Variants in CCDC12 observed in about 807,000 individuals in gnomAD.
CCDC12 encodes the protein coiled-coil domain-containing protein 12.
A neutral mutation model predicts 25.7 loss-of-function variants in CCDC12; 28 were observed. That is an observed-to-expected ratio of 1.09 (90% CI 0.81 to 1.50). The LOEUF (loss-of-function observed/expected upper bound fraction) is 1.50. Ranked by LOEUF, CCDC12 falls within the 40% of genes most tolerant of loss-of-function variation. The pLI is 0.00. For missense variants in CCDC12, 198 were observed against 210.0 expected, an observed-to-expected ratio of 0.94 and a Z score of 0.35; for synonymous variants, 75 against 87.7, an observed-to-expected ratio of 0.86 and a Z score of 0.81.
intron 1 of CCDC12, among the ~76,000 whole-genome samples, chr3:46,946,170 A>G (rs113666956): frequency 1.0e-3 from 152 of 152,300 alleles, no homozygotes; most frequent in African/African-American, 3.3e-3. Flanking sequence ...TCCCACCCAC[A>G]GTAAGATGAA....
chr3:46,939,617 C>G (rs1200327984), intron 2 of CCDC12, among the ~76,000 whole-genome samples: 2 of 152,172 alleles, frequency 1.3e-5, no homozygotes, highest in African/African-American at 2.4e-5. Flanking sequence ...CCTTCAAGAG[C>G]TGGGGGCTGA....
At chr3:46,958,764 T>C (rs865884124) in intron 1 of CCDC12, among the ~76,000 whole-genome samples, 1 of 152,054 alleles carries the variant, frequency 6.6e-6, no homozygotes, top group Middle Eastern at 3.2e-3. Flanking sequence ...CCCAGCATCC[T>C]CCCCAACTCT....
At chr3:46,940,036 G>A (rs1045971868) in intron 2 of CCDC12, among the ~76,000 whole-genome samples, 2 of 152,194 alleles carry the variant, frequency 1.3e-5, no homozygotes, top group Non-Finnish European at 2.9e-5. Context: ...AAGGCAACCT[G>A]TCCAGAAAGA....
chr3:46,937,264 G>A (rs1459149270), intron 2 of CCDC12, among the ~76,000 whole-genome samples: 1 of 152,152 alleles, frequency 6.6e-6, no homozygotes, highest in African/African-American at 2.4e-5. Flanking sequence ...TCATGCCTCT[G>A]GACCTTTGCC....
In CCDC12 at chr3:46,943,889, A is replaced by T. The variant is rs116698185; in HGVS notation, c.97-2824T>A. Among the ~76,000 whole-genome samples the T allele has an allele frequency of 6.5e-3, 989 of 152,348 alleles. 11 individuals carry two copies. Among genetic ancestry groups the T allele is most frequent in the African/African-American group, 0.023 (963 of 41,574 alleles). The stretch of plus-strand genomic sequence containing the variant: ...ACATCTGTGGCAGGAGCAGGTGAAC[A>T]AATGAACAGGCCACACAAGTGGGGG... On this transcript the variant is annotated intron_variant, in intron 1 of 6. Transcript: ENST00000683445.
chr3:46,941,160 G>C (rs889628158), intron 1 of CCDC12, 95 bp from the exon 2 acceptor site: 10 of 1,191,912 alleles, frequency 8.4e-6, no homozygotes, highest in Non-Finnish European at 1.3e-5. Flanking sequence ...ATCTCAGAAG[G>C]GGGGCACCTG....
chr3:46,972,866 A>T (rs2034846698), intron 1 of CCDC12, among the ~76,000 whole-genome samples: 1 of 152,120 alleles, frequency 6.6e-6, no homozygotes, highest in Non-Finnish European at 1.5e-5. Context: ...CTGGGAATGT[A>T]AATGGTGCAG....
At chr3:46,961,862 C>A (rs2034474556) in intron 1 of CCDC12, among the ~76,000 whole-genome samples, 1 of 152,168 alleles carries the variant, frequency 6.6e-6, no homozygotes, top group South Asian at 2.1e-4. Flanking sequence ...ACGGGAAACT[C>A]TTCTAAAACA....
At chr3:46,963,989 G>A (rs1490550807) in intron 1 of CCDC12, among the ~76,000 whole-genome samples, 2 of 152,086 alleles carry the variant, frequency 1.3e-5, no homozygotes, top group Non-Finnish European at 1.5e-5. Context: ...CTTCCCGGCC[G>A]CCATCCCATC....
chr3:46,941,178 C>G, intron 1 of CCDC12, 113 bp from the exon 2 acceptor site: 1 of 968,870 alleles, frequency 1.0e-6, no homozygotes, highest in Non-Finnish European at 1.7e-6. Context: ...CTGGCAGGGC[C>G]CAGCTTGGTG....
chr3:46,951,798 A>AAAATATATATATATAT, intron 1 of CCDC12, among the ~76,000 whole-genome samples: 1 of 8,476 alleles, frequency 1.2e-4, no homozygotes, highest in African/African-American at 2.5e-4. Flanking sequence ...AAAAAAAAAA[A>AAAATATATATATATAT]ATATATATAT....
At chr3:46,950,618 A>AT (rs1347287033) in intron 1 of CCDC12, among the ~76,000 whole-genome samples, 2 of 152,030 alleles carry the variant, frequency 1.3e-5, no homozygotes, top group East Asian at 3.9e-4. Flanking sequence ...TGCCCAGCCC[A>AT]TTTTTTAAAA....
intron 1 of CCDC12, among the ~76,000 whole-genome samples, chr3:46,973,610 T>C (rs1048318766): frequency 1.9e-5 from 2 of 107,440 alleles, no homozygotes; most frequent in Admixed American, 1.5e-4. Context: ...TGTTTCTTCT[T>C]TTCTTTTTTT....
At chr3:46,967,694 G>T (rs2034681607) in intron 1 of CCDC12, among the ~76,000 whole-genome samples, 1 of 152,194 alleles carries the variant, frequency 6.6e-6, no homozygotes, top group Non-Finnish European at 1.5e-5. Context: ...GAGGCAAGGA[G>T]GAAGTCTTGT....
upstream of CCDC12, among the ~76,000 whole-genome samples, chr3:46,980,245 G>A (rs545573196): frequency 2.2e-4 from 34 of 152,332 alleles, 1 homozygote; most frequent in African/African-American, 7.0e-4. Context: ...TTACAAATGG[G>A]GAAACTGAGA....
Position 46,976,692 on chromosome 3 carries a change from T to G in CCDC12, c.41A>C (p.Glu14Ala). 1.2e-6 allele frequency: 2 copies of G among 1,607,218 alleles called. No homozygotes were observed. The highest frequency in any genetic ancestry group is 2.7e-5 in the African/African-American group (2 of 74,768). ...TTAGVGRLEE[E>A]ALRRKERLKA... Reference sequence around the variant, plus strand: ...CAGCCGTTCCTTTCGCCGCAACGCCTCTTCCTCTAGCCGGCCCACACCAGC... The same window carrying G: ...CAGCCGTTCCTTTCGCCGCAACGCCGCTTCCTCTAGCCGGCCCACACCAGC... Residue 14 changes from glutamate (E) to alanine (A), a missense_variant, in exon 1 of 7, where the codon GAG becomes GCG. Transcript: ENST00000683445.
chr3:46,946,191 C>T (rs150370199), intron 1 of CCDC12, among the ~76,000 whole-genome samples: 1 of 152,326 alleles, frequency 6.6e-6, no homozygotes, highest in East Asian at 1.9e-4. Flanking sequence ...GATCTCTTTC[C>T]TTGCACCCCT....
intron 1 of CCDC12, among the ~76,000 whole-genome samples, chr3:46,972,935 C>A (rs1029718127): frequency 6.6e-6 from 1 of 151,832 alleles, no homozygotes; most frequent in African/African-American, 2.4e-5. Flanking sequence ...ATCATATGAT[C>A]CAGCTGTTTT....
intron 1 of CCDC12, among the ~76,000 whole-genome samples, chr3:46,947,623 A>G (rs1224157815): frequency 6.6e-6 from 1 of 152,026 alleles, no homozygotes; most frequent in Non-Finnish European, 1.5e-5. Flanking sequence ...AGAGCTCCTC[A>G]CTCTGGGTCC....
Sources: gnomAD v4.1 joint callset for allele counts (sites outside exome capture counted in the v4.1 genomes callset) on GRCh38, gnomAD v4.1.1 for gene constraint, MANE v1.5 for transcripts, NCBI Gene and HGNC (gene_info 2026-07-23, HGNC 2026-07-21) for gene names.